The following GPR26 variants were observed in gnomAD, a reference collection of about 807,000 sequenced individuals.
GPR26 encodes the protein G protein-coupled receptor 26.
GPR26 carries 15 observed loss-of-function variants against 23.1 expected under a neutral mutation model. That is an observed-to-expected ratio of 0.65 (90% CI 0.43 to 1.00). The LOEUF (loss-of-function observed/expected upper bound fraction) is 1.00. GPR26 is among the 50% of genes least tolerant of loss of function. GPR26 has a pLI of 0.00. For missense variants in GPR26, 359 were observed against 470.5 expected (o/e 0.76, Z 2.19); for synonymous variants, 228 against 222.1 (o/e 1.03, Z -0.24).
rs1243111642 is a variant in GPR26 at position 123,693,028 on chromosome 10, G to A, written c.*4868G>A. The A allele has an allele frequency of 1.3e-5, 2 of 152,186 alleles. No homozygotes were observed. Among genetic ancestry groups the A allele is most frequent in the Non-Finnish European group, 2.9e-5 (2 of 68,056 alleles). 9.4% of individuals were successfully genotyped at this position (152,186 alleles called of 1,614,324 possible). A position where few individuals can be genotyped will look rare whatever the true frequency, so the allele number is the denominator to read the frequency against. The stretch of plus-strand genomic sequence containing the variant: ...CTGCACCTCACTCTGGGCAGCTCTA[G>A]GCTCAGCAGATGTTTTTCTGCCATT... On this transcript the variant is annotated 3_prime_UTR_variant, in exon 3 of 3. Transcript: ENST00000284674.
rs1176839840 is a variant in GPR26 at position 123,693,441 on chromosome 10, T to A, written c.*5281T>A. On this transcript the variant is annotated 3_prime_UTR_variant, in exon 3 of 3. Transcript: ENST00000284674. The stretch of plus-strand genomic sequence containing the variant: ...AGAACTGACTTAGAGGGCCCTGGTG[T>A]TGGCTCTGGAACCTGGGCTGAGATG... 6.6e-6 allele frequency: 1 copy of A among 152,442 alleles called. No individual in the cohort carries two copies. The highest frequency in any genetic ancestry group is 2.4e-5 in the African/African-American group (1 of 41,438). 9.4% of individuals were successfully genotyped at this position (152,442 alleles called of 1,614,324 possible). A position where few individuals can be genotyped will look rare whatever the true frequency, so the allele number is the denominator to read the frequency against.
At chr10:123,685,451 C>T (rs527968117) in intron 2 of GPR26, among the ~76,000 whole-genome samples, 26 of 152,266 alleles carry the variant, frequency 1.7e-4, no homozygotes, top group Admixed American at 3.9e-4. Flanking sequence ...CATGGGGCCG[C>T]GAGAAAGCAG....
rs2203596 is a variant in GPR26, at chr10:123,689,899, A to G, written c.*1739A>G. On this transcript the variant is annotated 3_prime_UTR_variant, in exon 3 of 3. Coordinates refer to ENST00000284674, the MANE Select transcript of GPR26 (RefSeq NM_153442.4). ...TGCAGTTGCTGTCAGAGATGGGCTC[A>G]TATCTGCTTGGGGAAGCCAATGGGG... 38,477 of 152,014 alleles carry G rather than the reference A, an allele frequency of 0.25. 5,558 individuals are homozygous for G. Among genetic ancestry groups the G allele is most frequent in the Non-Finnish European group, 0.34 (23,175 of 67,946 alleles). The allele number at this position is 152,014 out of a possible 1,614,324, so 9.4% of individuals were successfully genotyped here.
chr10:123,678,594 T>C (rs1160172781), intron 2 of GPR26, among the ~76,000 whole-genome samples: 1 of 152,200 alleles, frequency 6.6e-6, no homozygotes, highest in East Asian at 1.9e-4. Flanking sequence ...CACACCCCTC[T>C]TGGAGCCACC....
chr10:123,688,271 C>A lies in GPR26; in HGVS notation c.*111C>A. On this transcript the variant is annotated 3_prime_UTR_variant, in exon 3 of 3. Coordinates refer to ENST00000284674, the MANE Select transcript of GPR26 (RefSeq NM_153442.4). ...ACCAGCCACCAGTCCCTGGCATGCC[C>A]AGTGATCCTGGTTCCCTGGCTTGTA... 1 of 712,502 alleles carries A rather than the reference C, an allele frequency of 1.4e-6. No individual in the cohort carries two copies. Among genetic ancestry groups the A allele is most frequent in the Non-Finnish European group, 2.4e-6 (1 of 415,388 alleles). 44.1% of individuals were successfully genotyped at this position (712,502 alleles called of 1,614,324 possible).
At chr10:123,685,567 C>T (rs1324245470) in intron 2 of GPR26, among the ~76,000 whole-genome samples, 1 of 152,202 alleles carries the variant, frequency 6.6e-6, no homozygotes, top group African/African-American at 2.4e-5. Flanking sequence ...CATCTCTTTG[C>T]TTGGAGGCCC....
Position 123,688,258 on chromosome 10 carries a change from T to C in GPR26, c.*98T>C. 2 of 752,538 alleles carry C rather than the reference T, an allele frequency of 2.7e-6. No individual in the cohort carries two copies. The highest frequency in any genetic ancestry group is 3.3e-5 in the South Asian group (2 of 60,476). The allele number at this position is 752,538 out of a possible 1,614,324, so 46.6% of individuals were successfully genotyped here. On this transcript the variant is annotated 3_prime_UTR_variant, in exon 3 of 3. Transcript: ENST00000284674. The stretch of plus-strand genomic sequence containing the variant: ...CTGGGTGGACACCACCAGCCACCAG[T>C]CCCTGGCATGCCCAGTGATCCTGGT...
At chr10:123,679,758 C>T (rs1223046788) in intron 2 of GPR26, among the ~76,000 whole-genome samples, 2 of 152,128 alleles carry the variant, frequency 1.3e-5, no homozygotes, top group Admixed American at 6.5e-5. Flanking sequence ...CTCCCCTTCT[C>T]TCTTGTGTAG....
rs1337306201 is a variant in GPR26, at chr10:123,695,912, A to G, written c.*7752A>G. On this transcript the variant is annotated 3_prime_UTR_variant, in exon 3 of 3. Coordinates refer to ENST00000284674, the MANE Select transcript of GPR26 (RefSeq NM_153442.4). ...AGTCTGGTGTGCCACCAACCCCATC[A>G]GGATTTCCCCAGGGGAAAATGGCTA... 3.9e-5 allele frequency among the ~76,000 whole-genome samples: 6 copies of G among 152,196 alleles called. No individual in the cohort carries two copies. Among genetic ancestry groups the G allele is most frequent in the African/African-American group, 1.4e-4 (6 of 41,438 alleles).
At position 123,666,420 on chromosome 10, in the gene GPR26, G is replaced by A. The variant is rs746223270; in HGVS notation, c.13G>A (p.Asp5Asn). 6.0e-6 allele frequency: 9 copies of A among 1,507,558 alleles called. No individual in the cohort carries two copies. The highest frequency in any genetic ancestry group is 7.0e-6 in the Non-Finnish European group (8 of 1,137,822). 93.4% of individuals were successfully genotyped at this position (1,507,558 alleles called of 1,614,324 possible). MNSWDAGLAGLLVGT... is the reference protein window; with the variant it reads MNSWNAGLAGLLVGT... Reference sequence around the variant, plus strand: ...CGGGGCGCGCACCATGAACTCGTGGGACGCGGGCCTGGCGGGGCTACTGGT... The same window carrying A: ...CGGGGCGCGCACCATGAACTCGTGGAACGCGGGCCTGGCGGGGCTACTGGT... Residue 5 changes from aspartate to asparagine, a missense_variant, in exon 1 of 3, where the codon GAC becomes AAC. Transcript: ENST00000284674.
Position 123,666,360 on chromosome 10 carries a change from T to C in GPR26, c.-48T>C, listed in dbSNP as rs1479229347. 5 of 1,231,672 alleles carry C rather than the reference T, an allele frequency of 4.1e-6. No individual in the cohort carries two copies. Among genetic ancestry groups the C allele is most frequent in the Non-Finnish European group, 5.2e-6 (5 of 970,156 alleles). The allele number at this position is 1,231,672 out of a possible 1,614,324, so 76.3% of individuals were successfully genotyped here. A position where few individuals can be genotyped will look rare whatever the true frequency, so the allele number is the denominator to read the frequency against. On this transcript the variant is annotated 5_prime_UTR_variant, in exon 1 of 3. It removes an upstream start codon present in the reference 5' UTR. Transcript: ENST00000284674. ...GCTGAGCCGGCCGCGGGCAGCGCCA[T>C]GGCGGCGCCGGGTTGCGGACCCTGA...
In GPR26 at chr10:123,694,917, C is replaced by A. The variant is rs145832243; in HGVS notation, c.*6757C>A. Among the ~76,000 whole-genome samples, 2 of 152,240 alleles carry A rather than the reference C, an allele frequency of 1.3e-5. No homozygotes were observed. The highest frequency in any genetic ancestry group is 3.9e-4 in the East Asian group (2 of 5,168). On this transcript the variant is annotated 3_prime_UTR_variant, in exon 3 of 3. Coordinates refer to ENST00000284674, the MANE Select transcript of GPR26 (RefSeq NM_153442.4). Reference sequence around the variant, plus strand: ...GCCAGGGCCCATCTTCTGACAATATCCTGAAGGGTTCGAATGTTTGTCTTC... The same window carrying A: ...GCCAGGGCCCATCTTCTGACAATATACTGAAGGGTTCGAATGTTTGTCTTC...
intron 1 of GPR26, among the ~76,000 whole-genome samples, chr10:123,673,944 CCTT>C (rs1845278883): frequency 6.6e-6 from 1 of 150,408 alleles, no homozygotes; most frequent in Non-Finnish European, 1.5e-5. Context: ...TCTTCTTCTT[CCTT>C]TTCTTCTTTT....
rs1845300654 is a variant in GPR26 at position 123,675,816 on chromosome 10, G to GTGTGTA, written c.782+886_782+887insGTGTAT. Among the ~76,000 whole-genome samples, 8 of 55,252 alleles carry GTGTGTA rather than the reference G, an allele frequency of 1.4e-4. No homozygotes were observed. The South Asian group carries it at 4.4e-3, about 30-fold the overall frequency. The allele number at this position is 55,252 out of a possible 152,430, so 36.2% of individuals were successfully genotyped here. A position where few individuals can be genotyped will look rare whatever the true frequency, so the allele number is the denominator to read the frequency against. On this transcript the variant is annotated intron_variant, in intron 2 of 2. Coordinates refer to ENST00000284674, the MANE Select transcript of GPR26 (RefSeq NM_153442.4). ...GGGTTTTCTGTGTGTGTGTGTGTGT[G>GTGTGTA]TACGTGTGTGTGTGTACGTGTGTGT...
rs559330362 is a variant in GPR26, at chr10:123,688,617, C to G, written c.*457C>G. 1.1e-5 allele frequency: 2 copies of G among 177,842 alleles called. No individual in the cohort carries two copies. Among genetic ancestry groups the G allele is most frequent in the African/African-American group, 2.4e-5 (1 of 42,272 alleles). The allele number at this position is 177,842 out of a possible 1,614,324, so 11.0% of individuals were successfully genotyped here. On this transcript the variant is annotated 3_prime_UTR_variant, in exon 3 of 3. Transcript: ENST00000284674. ...GGAGGCTGGCAGTGGTCATTTGGCC[C>G]GGATCTAACATGGCACCTCGTCTCC...
chr10:123,666,619 G>A lies in GPR26; in HGVS notation c.212G>A (p.Arg71Gln). 2 of 1,588,392 alleles carry A rather than the reference G, an allele frequency of 1.3e-6. No individual in the cohort carries two copies. The highest frequency in any genetic ancestry group is 1.7e-6 in the Non-Finnish European group (2 of 1,171,040). The change falls in exon 1 of 3, where the codon CGG (arginine) becomes CAG (glutamine). Residue 71 changes from arginine (R) to glutamine (Q), a missense_variant. Arg to Gln is a conservative substitution (Grantham distance 43). Transcript: ENST00000284674. ...PLTLAGVVAQ[R>Q]QPAGDRLCRL... ...ACGCTGGCCGGCGTCGTGGCGCAGC[G>A]GCAGCCGGCGGGCGACCGCCTGTGC...
In GPR26 at chr10:123,674,429, TAAG is replaced by T. The variant is rs573679957; in HGVS notation, c.669-387_669-385del. Among the ~76,000 whole-genome samples, 242 of 152,342 alleles carry T rather than the reference TAAG, an allele frequency of 1.6e-3. No individual in the cohort carries two copies. The Middle Eastern group carries it at 0.017, about 11-fold the overall frequency. On this transcript the variant is annotated intron_variant, in intron 1 of 2. Coordinates refer to ENST00000284674, the MANE Select transcript of GPR26 (RefSeq NM_153442.4). This position sits in a 1 kb window ranked among gnomAD's most constrained non-coding sequence, Gnocchi z 4.1. ...GATCAGTGAATGATATGAGCAATAA[TAAG>T]AGGTAATGTTTAATGTTTCTTTGTA...
At position 123,667,082 on chromosome 10, in the gene GPR26, C is replaced by G. The variant is rs756116883; in HGVS notation, c.668+7C>G. ...TGGTGGACCTGCACCCCAGGTGAGC[C>G]GAGCGCAGCTAAGGCTCTGGGAACA... On this transcript the variant is annotated splice_region_variant and intron_variant, in intron 1 of 2. Coordinates refer to ENST00000284674, the MANE Select transcript of GPR26 (RefSeq NM_153442.4). The G allele has an allele frequency of 1.9e-6, 3 of 1,571,748 alleles. No individual in the cohort carries two copies. Among genetic ancestry groups the G allele is most frequent in the South Asian group, 2.3e-5 (2 of 85,800 alleles).
At chr10:123,684,479 G>A (rs536550916) in intron 2 of GPR26, among the ~76,000 whole-genome samples, 3 of 152,234 alleles carry the variant, frequency 2.0e-5, no homozygotes, top group South Asian at 4.1e-4. Flanking sequence ...ACAGAGTACC[G>A]CAAACCGAGC....
Sources: allele counts gnomAD v4.1 joint callset (sites outside exome capture counted in the v4.1 genomes callset), GRCh38; gene constraint gnomAD v4.1.1; non-coding constraint Gnocchi (gnomAD v3.1); transcripts MANE v1.5; gene names NCBI Gene and HGNC (gene_info 2026-07-23, HGNC 2026-07-21).